The following ABR variants were observed in gnomAD, a reference collection of about 807,000 sequenced individuals.
The protein encoded by ABR is active breakpoint cluster region-related protein.
In ABR, 35 loss-of-function variants were observed where a neutral mutation model predicts 107.2. The observed-to-expected ratio is 0.33, with a 90% CI of 0.25 to 0.43. The LOEUF is 0.43. ABR is among the 20% of genes least tolerant of loss of function. The pLI is 1.00. For missense variants in ABR, 815 were observed against 1,115.2 expected, an observed-to-expected ratio of 0.73 and a Z score of 3.83; for synonymous variants, 498 against 462.0, an observed-to-expected ratio of 1.08 and a Z score of -1.00.
At chr17:1,079,174 A>ACTCAGCTCACACTCACACGCGCT in intron 6 of ABR, 156 bp downstream of exon 6, 1 of 1,465,538 alleles carries the variant, frequency 6.8e-7, no homozygotes. Context: ...GCACACGCGC[A>ACTCAGCTCACACTCACACGCGCT]CTCAGCTCAC....
At chr17:1,057,567 G>A (rs767135093) in intron 12 of ABR, among the ~76,000 whole-genome samples, 4 of 150,962 alleles carry the variant, frequency 2.6e-5, no homozygotes, top group Admixed American at 6.6e-5. Flanking sequence ...TAGTAGAGAC[G>A]GGGTTTCACC....
Position 1,051,711 on chromosome 17 carries a change from G to C in ABR, c.1562-1077C>G, listed in dbSNP as rs1305643238. On this transcript the variant is annotated intron_variant, in intron 14 of 22. Transcript: ENST00000302538. The surrounding 1 kb of genome is among the most constrained non-coding windows in gnomAD (Gnocchi z 4.3). ...AAACAACGTCAGAGGTCACAGTGCG[G>C]GCATACAGTGCAGGTGGCTTACTCC... Among the ~76,000 whole-genome samples the C allele has an allele frequency of 6.6e-6, 1 of 152,156 alleles. No homozygotes were observed.
chr17:1,182,781 TG>T (rs1452567960), upstream of ABR, among the ~76,000 whole-genome samples: 1 of 152,182 alleles, frequency 6.6e-6, no homozygotes, highest in Non-Finnish European at 1.5e-5. Context: ...GACCACCCTC[TG>T]GGAAACCCTG....
intron 16 of ABR, among the ~76,000 whole-genome samples, chr17:1,047,024 A>G (rs2031729435): frequency 6.6e-6 from 1 of 152,142 alleles, no homozygotes; most frequent in Non-Finnish European, 1.5e-5. Context: ...CCATCAGGCG[A>G]CCCAGAGTGG....
At chr17:1,031,528 C>CT in intron 16 of ABR, 1 of 314,660 alleles carries the variant, frequency 3.2e-6, no homozygotes, top group Non-Finnish European at 5.3e-6. Flanking sequence ...CCCCGCAGCC[C>CT]CCGCAGCCCC....
intron 1 of ABR, among the ~76,000 whole-genome samples, chr17:1,207,074 A>AC (rs922815370): frequency 3.8e-5 from 5 of 131,492 alleles, no homozygotes; most frequent in African/African-American, 1.1e-4. Context: ...ACAGAGTGAG[A>AC]CTCCATCTCA....
At chr17:1,199,622 C>G (rs983863253) in intron 1 of ABR, among the ~76,000 whole-genome samples, 1 of 146,902 alleles carries the variant, frequency 6.8e-6, no homozygotes, top group African/African-American at 2.7e-5. Context: ...CTAATTTTTG[C>G]ATTTTCAGTA....
At chr17:1,058,698 T>A in intron 11 of ABR, 47 bp downstream of exon 11, 7 of 1,605,232 alleles carry the variant, frequency 4.4e-6, no homozygotes, top group Non-Finnish European at 6.0e-6. Flanking sequence ...TGGGCTGCTC[T>A]GGACTAAGGA....
intron 18 of ABR, 147 bp from the exon 19 acceptor site, chr17:1,012,132 G>A: frequency 7.8e-7 from 1 of 1,288,494 alleles, no homozygotes; most frequent in Non-Finnish European, 1.1e-6. Context: ...CAGAGAAAGA[G>A]GCCACCGCAC....
rs1291931330 is a variant in ABR at position 1,178,876 on chromosome 17, C to CTCGGT, written c.61+786_61+790dup. The stretch of plus-strand genomic sequence containing the variant: ...GCGGTGGTGGGGGCGGGGGGCGGCT[C>CTCGGT]TCGGTTCGCCCCAAGCCCCCCCACA... On this transcript the variant is annotated intron_variant, in intron 1 of 22. Transcript: ENST00000302538. Among the ~76,000 whole-genome samples the CTCGGT allele has an allele frequency of 2.0e-5, 3 of 151,962 alleles. No homozygotes were observed. The East Asian group carries it at 5.8e-4, about 30-fold the overall frequency.
rs371149290 is a variant in ABR at position 1,041,578 on chromosome 17, C to T, written c.1791+8472G>A. Among the ~76,000 whole-genome samples the T allele has an allele frequency of 5.3e-5, 8 of 152,046 alleles. No homozygotes were observed. In the South Asian group the frequency reaches 1.2e-3, roughly 24 times the overall value. ...CAAAACCCCGTCTCTACTAAAAATA[C>T]GAAAATTAGCTGGGCATGGTGGCGG... On this transcript the variant is annotated intron_variant, in intron 16 of 22. Transcript: ENST00000302538.
chr17:1,229,236 C>A (rs1300295924), exon 1 of ABR, among the ~76,000 whole-genome samples: 1 of 151,660 alleles, frequency 6.6e-6, no homozygotes, highest in Non-Finnish European at 1.5e-5. Flanking sequence ...GGCCCGGAAC[C>A]GCAGCTGGGG....
chr17:1,220,744 T>C (rs1379902142), intron 1 of ABR, among the ~76,000 whole-genome samples: 1 of 152,158 alleles, frequency 6.6e-6, no homozygotes, highest in Non-Finnish European at 1.5e-5. Context: ...ACCAGCATTT[T>C]CCAGCACAGT....
Position 1,004,287 on chromosome 17 carries a change from G to A in ABR, c.*1793C>T, listed in dbSNP as rs533273735. The A allele has an allele frequency of 2.0e-5, 3 of 152,566 alleles. No individual in the cohort carries two copies. Among genetic ancestry groups the A allele is most frequent in the Admixed American group, 6.5e-5 (1 of 15,306 alleles). The allele number at this position is 152,566 out of a possible 1,614,324, so 9.5% of individuals were successfully genotyped here. On this transcript the variant is annotated 3_prime_UTR_variant, in exon 23 of 23. Coordinates refer to ENST00000302538, the MANE Select transcript of ABR (RefSeq NM_021962.5). Reference sequence around the variant, plus strand: ...GCTGCTCACAGGCAGCCGATGGTCAGTACTTCCTTCCTCTTGGGCATGTCT... The same window carrying A: ...GCTGCTCACAGGCAGCCGATGGTCAATACTTCCTTCCTCTTGGGCATGTCT...
chr17:1,015,314 G>T (rs1272664429), intron 16 of ABR, among the ~76,000 whole-genome samples: 3 of 151,088 alleles, frequency 2.0e-5, no homozygotes, highest in Non-Finnish European at 2.9e-5. Flanking sequence ...TACTACTTGG[G>T]AGGCTGAGAT....
chr17:1,217,515 T>G (rs1245658827), intron 1 of ABR, among the ~76,000 whole-genome samples: 3 of 152,196 alleles, frequency 2.0e-5, no homozygotes, highest in African/African-American at 7.2e-5. Flanking sequence ...ATTGACTTAT[T>G]TAACCTTCAC....
chr17:1,012,040 A>G, intron 18 of ABR, 55 bp from the exon 19 acceptor site: 3 of 1,605,960 alleles, frequency 1.9e-6, no homozygotes, highest in Non-Finnish European at 2.5e-6. Flanking sequence ...GCTCTCCCGT[A>G]GCAACCCCCA....
At chr17:1,031,294 C>A (rs1314089189) in intron 16 of ABR, among the ~76,000 whole-genome samples, 1 of 152,166 alleles carries the variant, frequency 6.6e-6, no homozygotes, top group African/African-American at 2.4e-5. Flanking sequence ...CAGAGGCAGG[C>A]GTCTCCCCGT....
Position 1,200,473 on chromosome 17 carries a change from T to C in ABR, c.838+28320A>G, listed in dbSNP as rs186558604. On this transcript the variant is annotated intron_variant, in intron 1 of 22. Transcript: ENST00000574139. The surrounding 1 kb of genome is among the most constrained non-coding windows in gnomAD (Gnocchi z 4.1). ...AAGAGACTTGGGCGTCCTGGGATTC[T>C]GGTATCTGCCAGGGGTCCTGGGGCC... Among the ~76,000 whole-genome samples, 80 of 152,276 alleles carry C rather than the reference T, an allele frequency of 5.3e-4. No individual in the cohort carries two copies. Among genetic ancestry groups the C allele is most frequent in the Middle Eastern group, 3.4e-3 (1 of 294 alleles).
Sources: allele counts gnomAD v4.1 joint callset (sites outside exome capture counted in the v4.1 genomes callset), GRCh38; gene constraint gnomAD v4.1.1; non-coding constraint Gnocchi (gnomAD v3.1); transcripts MANE v1.5; gene names NCBI Gene and HGNC (gene_info 2026-07-23, HGNC 2026-07-21).